The following PPP4R4 variants were observed in gnomAD, a reference collection of about 807,000 sequenced individuals.
PPP4R4 encodes the protein protein phosphatase 4 regulatory subunit 4, also known as serine/threonine-protein phosphatase 4 regulatory subunit 4.
Under a neutral mutation model 121.8 loss-of-function variants are expected in PPP4R4, and 70 were observed. That is an observed-to-expected ratio of 0.57 (90% CI 0.47 to 0.70). The LOEUF (loss-of-function observed/expected upper bound fraction) is 0.70, where lower values mean the gene tolerates loss of function less well. PPP4R4 is among the 30% of genes least tolerant of loss of function. The pLI is 0.00. For missense variants in PPP4R4, 875 were observed against 1,033.6 expected, an observed-to-expected ratio of 0.85 and a Z score of 2.10; for synonymous variants, 348 against 355.7, an observed-to-expected ratio of 0.98 and a Z score of 0.24.
intron 6 of PPP4R4, among the ~76,000 whole-genome samples, chr14:94,234,069 A>G (rs965100184): frequency 6.6e-6 from 1 of 152,184 alleles, no homozygotes; most frequent in African/African-American, 2.4e-5. Flanking sequence ...TGGCAGCGGC[A>G]TAAAGATAGA....
intron 2 of PPP4R4, among the ~76,000 whole-genome samples, chr14:94,196,774 A>G (rs1443945849): frequency 1.3e-5 from 2 of 151,694 alleles, no homozygotes; most frequent in East Asian, 3.9e-4. Context: ...CTGAGTTTTC[A>G]TAATTACGAT....
intron 23 of PPP4R4, among the ~76,000 whole-genome samples, chr14:94,272,585 C>T (rs1373807722): frequency 7.0e-6 from 1 of 143,672 alleles, no homozygotes; most frequent in Non-Finnish European, 1.5e-5. Flanking sequence ...CTAGATGACC[C>T]TGCTTATGGT....
intron 23 of PPP4R4, among the ~76,000 whole-genome samples, chr14:94,270,357 C>T (rs1894259159): frequency 6.6e-6 from 1 of 152,030 alleles, no homozygotes; most frequent in African/African-American, 2.4e-5. Flanking sequence ...TTCTAGTAGT[C>T]TTTTTGCAGA....
At chr14:94,237,516 C>A (rs1270388882) in intron 7 of PPP4R4, 49 bp from the exon 8 acceptor site, 5 of 1,547,836 alleles carry the variant, frequency 3.2e-6, no homozygotes, top group African/African-American at 1.4e-5. Context: ...TAAGTTCCTG[C>A]TACACATTTA....
chr14:94,265,722 G>T, intron 21 of PPP4R4, 72 bp from the exon 22 acceptor site: 1 of 1,100,938 alleles, frequency 9.1e-7, no homozygotes, highest in South Asian at 1.4e-5. Flanking sequence ...ATGGTAGTTG[G>T]GGAGGGAATG....
chr14:94,185,360 T>C (rs1889214505), intron 2 of PPP4R4, among the ~76,000 whole-genome samples: 1 of 152,004 alleles, frequency 6.6e-6, no homozygotes, highest in Non-Finnish European at 1.5e-5. Flanking sequence ...TTTAAGAAAT[T>C]ATCCAGGAAT....
intron 2 of PPP4R4, among the ~76,000 whole-genome samples, chr14:94,188,697 G>A (rs1030071392): frequency 1.3e-5 from 2 of 152,062 alleles, no homozygotes; most frequent in African/African-American, 4.8e-5. Context: ...CATTTGTATA[G>A]TTGAAATTTG....
chr14:94,236,747 A>G (rs955798018), intron 7 of PPP4R4, among the ~76,000 whole-genome samples: 2 of 152,224 alleles, frequency 1.3e-5, no homozygotes, highest in African/African-American at 4.8e-5. Context: ...AATGATAAAC[A>G]TTTCCATCAT....
chr14:94,213,970 C>T (rs1890882840), intron 3 of PPP4R4, among the ~76,000 whole-genome samples: 2 of 152,144 alleles, frequency 1.3e-5, no homozygotes, highest in Admixed American at 6.5e-5. Flanking sequence ...TTAAATCACC[C>T]CCATCTACCT....
intron 22 of PPP4R4, 36 bp from the exon 23 acceptor site, chr14:94,266,922 GT>G (rs1182539307): frequency 5.9e-6 from 8 of 1,357,082 alleles, no homozygotes; most frequent in Non-Finnish European, 7.3e-6. Flanking sequence ...TAAGAAGTGT[GT>G]TTTTGTATTT....
At chr14:94,205,316 A>T (rs1226471141) in intron 2 of PPP4R4, among the ~76,000 whole-genome samples, 2 of 151,992 alleles carry the variant, frequency 1.3e-5, no homozygotes, top group African/African-American at 4.8e-5. Flanking sequence ...TAAGTTTTCA[A>T]ATTTATATGT....
At chr14:94,178,845 T>G (rs1888819337) in intron 2 of PPP4R4, among the ~76,000 whole-genome samples, 1 of 152,236 alleles carries the variant, frequency 6.6e-6, no homozygotes. Flanking sequence ...TTTGCGTATA[T>G]TTTTGGAATG....
At chr14:94,198,498 G>A (rs1164287302) in intron 2 of PPP4R4, among the ~76,000 whole-genome samples, 1 of 152,062 alleles carries the variant, frequency 6.6e-6, no homozygotes, top group East Asian at 1.9e-4. Flanking sequence ...TTGTAACAGT[G>A]CCTTTGAAAA....
At chr14:94,278,567 A>G in intron 24 of PPP4R4, 52 bp from the exon 25 acceptor site, 1 of 1,315,996 alleles carries the variant, frequency 7.6e-7, no homozygotes, top group Non-Finnish European at 1.1e-6. Flanking sequence ...TCCCTTTCTC[A>G]CTCCCTCCTT....
chr14:94,225,342 T>C (rs1891636722), intron 3 of PPP4R4, among the ~76,000 whole-genome samples: 1 of 152,214 alleles, frequency 6.6e-6, no homozygotes, highest in Admixed American at 6.5e-5. Flanking sequence ...ATTTGGGGCC[T>C]GCTTTGGGCC....
chr14:94,182,877 A>C (rs1162309444), intron 2 of PPP4R4, among the ~76,000 whole-genome samples: 1 of 152,146 alleles, frequency 6.6e-6, no homozygotes, highest in Non-Finnish European at 1.5e-5. Flanking sequence ...ACCAGTTTGT[A>C]CTTCTGCCAG....
intron 23 of PPP4R4, among the ~76,000 whole-genome samples, chr14:94,273,437 A>G (rs934552757): frequency 6.6e-6 from 1 of 152,170 alleles, no homozygotes; most frequent in African/African-American, 2.4e-5. Flanking sequence ...TAAAATGATA[A>G]GTAGTTGTCA....
intron 7 of PPP4R4, among the ~76,000 whole-genome samples, chr14:94,235,592 G>A (rs959440707): frequency 3.3e-5 from 5 of 151,558 alleles, no homozygotes; most frequent in African/African-American, 7.3e-5. Flanking sequence ...GTAGAGACGG[G>A]GTTTCACCGT....
intron 1 of PPP4R4, among the ~76,000 whole-genome samples, chr14:94,174,801 T>C (rs115383870): frequency 0.019 from 2,905 of 151,912 alleles, 88 homozygotes; most frequent in African/African-American, 0.066. Context: ...CTCTCTAGTC[T>C]GGACCCCCAT....
Sources: gnomAD v4.1 joint callset for allele counts (sites outside exome capture counted in the v4.1 genomes callset) on GRCh38, gnomAD v4.1.1 for gene constraint, MANE v1.5 for transcripts, NCBI Gene and HGNC (gene_info 2026-07-23, HGNC 2026-07-21) for gene names.